TMEM196: variants seen among roughly 807,000 people sequenced by gnomAD.
TMEM196 encodes the protein transmembrane protein 196.
TMEM196 carries 17 observed loss-of-function variants against 20.0 expected under a neutral mutation model. The ratio of observed to expected loss-of-function variants is 0.85; its 90% confidence interval spans 0.58 to 1.27. The LOEUF is 1.27. Ranked by LOEUF, TMEM196 falls within the 50% of genes most tolerant of loss-of-function variation. The pLI, the probability that TMEM196 is intolerant of heterozygous loss-of-function variation, is 0.00. For missense variants in TMEM196, 267 were observed against 223.0 expected (o/e 1.20, Z -1.26); for synonymous variants, 113 against 88.9 (o/e 1.27, Z -1.52).
chr7:19,724,167 C>A (rs763344596), intron 4 of TMEM196, 113 bp downstream of exon 4: 16 of 922,668 alleles, frequency 1.7e-5, no homozygotes, highest in Non-Finnish European at 2.1e-5. Flanking sequence ...CTTTGAGAAA[C>A]AACATTAAAC....
Position 19,731,979 on chromosome 7 carries a change from G to A in TMEM196, c.148-2541C>T, listed in dbSNP as rs1319815151. ...TGTAACAGGAAGTATATGAAATCAT[G>A]GGATTTATGAGGAGGATCTAAAAGA... On this transcript the variant is annotated intron_variant, in intron 1 of 4. Transcript: ENST00000405844. 2.0e-5 allele frequency among the ~76,000 whole-genome samples: 3 copies of A among 152,184 alleles called. No homozygotes were observed. The East Asian group carries it at 5.8e-4, about 29-fold the overall frequency.
At chr7:19,742,753 C>T (rs1415084746) in intron 1 of TMEM196, among the ~76,000 whole-genome samples, 2 of 152,118 alleles carry the variant, frequency 1.3e-5, no homozygotes, top group African/African-American at 4.8e-5. Context: ...CAAATAATGA[C>T]TTCCATAGAC....
At chr7:19,768,814 C>G (rs902914456) in intron 1 of TMEM196, among the ~76,000 whole-genome samples, 1 of 151,996 alleles carries the variant, frequency 6.6e-6, no homozygotes, top group Non-Finnish European at 1.5e-5. Flanking sequence ...AGGAAGCATC[C>G]CTGCCTGATT....
chr7:19,743,974 T>C (rs1319015076), intron 1 of TMEM196, among the ~76,000 whole-genome samples: 1 of 152,174 alleles, frequency 6.6e-6, no homozygotes, highest in African/African-American at 2.4e-5. Flanking sequence ...CCGAATCAGA[T>C]AGAAGATTCT....
intron 1 of TMEM196, among the ~76,000 whole-genome samples, chr7:19,759,009 T>G (rs1262295977): frequency 2.0e-5 from 3 of 152,208 alleles, no homozygotes; most frequent in Non-Finnish European, 4.4e-5. Flanking sequence ...TATTTATTTT[T>G]TTCCCTTTGT....
chr7:19,737,146 T>C (rs1318550737), intron 1 of TMEM196, among the ~76,000 whole-genome samples: 2 of 151,950 alleles, frequency 1.3e-5, no homozygotes, highest in African/African-American at 2.4e-5. Context: ...AATTAAAATA[T>C]GGGTGAAAGA....
chr7:19,748,864 T>A (rs911913248), intron 1 of TMEM196, among the ~76,000 whole-genome samples: 13 of 152,186 alleles, frequency 8.5e-5, no homozygotes, highest in African/African-American at 2.9e-4. Context: ...AATAAAAAAT[T>A]ACTATTCCTT....
At position 19,772,584 on chromosome 7, in the gene TMEM196, C is replaced by G. The variant is rs945161488; in HGVS notation, c.113G>C (p.Arg38Pro). 1.2e-5 allele frequency: 19 copies of G among 1,546,110 alleles called. No individual in the cohort carries two copies. The highest frequency in any genetic ancestry group is 2.4e-5 in the South Asian group (2 of 83,432). ...VGAVSFSLAL[R>P]EHKPQLGDSS... Reference sequence around the variant, plus strand: ...GTCTCCGAGCTGCGGCTTGTGCTCTCGGAGGGCCAGGCTGAAGCTGACCGC... The same window carrying G: ...GTCTCCGAGCTGCGGCTTGTGCTCTGGGAGGGCCAGGCTGAAGCTGACCGC... The change falls in exon 1 of 5, where the codon CGA becomes CCA. Residue 38 changes from arginine to proline, a missense_variant. Physicochemically the swap from Arg to Pro is moderately radical, Grantham distance 103 (BLOSUM62 -2). Coordinates refer to ENST00000405844, the MANE Select transcript of TMEM196 (RefSeq NM_001363562.2).
intron 1 of TMEM196, among the ~76,000 whole-genome samples, chr7:19,746,472 G>A (rs1276582245): frequency 6.6e-6 from 1 of 152,198 alleles, no homozygotes; most frequent in Non-Finnish European, 1.5e-5. Context: ...GTTCAGTGAC[G>A]TATATGTGGC....
Position 19,772,824 on chromosome 7 carries a change from G to C in TMEM196, c.-128C>G, listed in dbSNP as rs1443198410. 1 of 954,548 alleles carries C rather than the reference G, an allele frequency of 1.0e-6. No individual in the cohort carries two copies. Among genetic ancestry groups the C allele is most frequent in the Non-Finnish European group, 1.4e-6 (1 of 717,626 alleles). The allele number at this position is 954,548 out of a possible 1,614,324, so 59.1% of individuals were successfully genotyped here. A position where few individuals can be genotyped will look rare whatever the true frequency, so the allele number is the denominator to read the frequency against. The stretch of plus-strand genomic sequence containing the variant: ...AAAACTTTTCTTTCTTCAAGAGCGA[G>C]GCATTATCCACAAGGGCTGGATTTC... On this transcript the variant is annotated 5_prime_UTR_variant, in exon 1 of 5. Transcript: ENST00000405844.
chr7:19,746,711 T>C (rs1168297245), intron 1 of TMEM196, among the ~76,000 whole-genome samples: 1 of 152,258 alleles, frequency 6.6e-6, no homozygotes, highest in African/African-American at 2.4e-5. Context: ...CTCTTTATGG[T>C]TTGTATTGCA....
intron 1 of TMEM196, among the ~76,000 whole-genome samples, chr7:19,771,758 C>G (rs1018382133): frequency 6.6e-6 from 1 of 152,098 alleles, no homozygotes; most frequent in Admixed American, 6.5e-5. Context: ...CTTGGAGATT[C>G]ATCCTAGTAA....
At chr7:19,725,452 C>T in intron 3 of TMEM196, 62 bp downstream of exon 3, 1 of 1,533,434 alleles carries the variant, frequency 6.5e-7, no homozygotes, top group Non-Finnish European at 8.8e-7. Context: ...AGTTGATTCA[C>T]CCAGAGTGGA....
rs112064169 is a variant in TMEM196 at position 19,768,635 on chromosome 7, A to C, written c.147+3915T>G. The stretch of plus-strand genomic sequence containing the variant: ...CTCAATAGTTTATTAATTGTTATCT[A>C]ACAGTTATGCCTCTGATTTTGTGCT... On this transcript the variant is annotated intron_variant, in intron 1 of 4. Coordinates refer to ENST00000405844, the MANE Select transcript of TMEM196 (RefSeq NM_001363562.2). 1.0e-3 allele frequency among the ~76,000 whole-genome samples: 156 copies of C among 152,286 alleles called. 3 individuals are homozygous for C. Among genetic ancestry groups the C allele is most frequent in the African/African-American group, 3.5e-3 (147 of 41,568 alleles).
intron 1 of TMEM196, among the ~76,000 whole-genome samples, chr7:19,760,074 A>G (rs1023614215): frequency 6.6e-6 from 1 of 152,090 alleles, no homozygotes; most frequent in Non-Finnish European, 1.5e-5. Flanking sequence ...TTTTACCCCT[A>G]TTAGGCTCAC....
In TMEM196 at chr7:19,768,226, G is replaced by C. The variant is rs73682833; in HGVS notation, c.147+4324C>G. The stretch of plus-strand genomic sequence containing the variant: ...AAATATTTAAAAATACTACCTCGTG[G>C]TTTACATGTGGGAGAACTAGGCTTA... On this transcript the variant is annotated intron_variant, in intron 1 of 4. Coordinates refer to ENST00000405844, the MANE Select transcript of TMEM196 (RefSeq NM_001363562.2). Among the ~76,000 whole-genome samples the C allele has an allele frequency of 6.0e-3, 917 of 152,132 alleles. 11 individuals are homozygous for C. Among genetic ancestry groups the C allele is most frequent in the African/African-American group, 0.021 (880 of 41,528 alleles).
intron 1 of TMEM196, among the ~76,000 whole-genome samples, chr7:19,741,401 C>T (rs1784577378): frequency 6.6e-6 from 1 of 152,088 alleles, no homozygotes; most frequent in Non-Finnish European, 1.5e-5. Context: ...TTACAGTATC[C>T]ATGGGGAGGT....
chr7:19,741,968 G>A (rs1784595120), intron 1 of TMEM196, among the ~76,000 whole-genome samples: 1 of 152,074 alleles, frequency 6.6e-6, no homozygotes, highest in Non-Finnish European at 1.5e-5. Context: ...GCTATTACCT[G>A]CTATTGACTG....
chr7:19,724,243 A>T lies in TMEM196; in HGVS notation c.533+37T>A, dbSNP rs146719455. 9.3e-3 allele frequency: 14,316 copies of T among 1,534,218 alleles called. 99 individuals carry two copies. The highest frequency in any genetic ancestry group is 9.7e-3 in the Non-Finnish European group (11,007 of 1,132,128). ...GGAAGGGGAAGTGCTTTCTGCAGCG[A>T]CATTACAACATGGTAACTCCCTAGA... On this transcript the variant is annotated intron_variant, in intron 4 of 4. Transcript: ENST00000405844.
Sources: allele counts gnomAD v4.1 joint callset (sites outside exome capture counted in the v4.1 genomes callset), GRCh38; gene constraint gnomAD v4.1.1; transcripts MANE v1.5; gene names NCBI Gene and HGNC (gene_info 2026-07-23, HGNC 2026-07-21).